Variants in RTEL1 observed in about 807,000 individuals in gnomAD.
RTEL1 encodes regulator of telomere length.
RTEL1 carries 86 observed loss-of-function variants against 162.2 expected under a neutral mutation model. That is an observed-to-expected ratio of 0.53 (90% CI 0.45 to 0.63). The LOEUF (loss-of-function observed/expected upper bound fraction) is 0.63. Among genes scored for constraint, RTEL1 ranks in the 30% least tolerant of loss-of-function variants. The probability of loss-of-function intolerance (pLI) is 0.00; values close to 1 mark genes in which losing one functional copy is unlikely to be tolerated. For missense variants in RTEL1, 1,941 were observed against 1,750.2 expected (o/e 1.11, Z -1.95); for synonymous variants, 958 against 717.9 (o/e 1.33, Z -5.35).
In RTEL1 at chr20:63,690,155, A is replaced by G. The variant is rs773705133; in HGVS notation, c.2210A>G (p.Asn737Ser). The G allele has an allele frequency of 8.7e-6, 14 of 1,612,432 alleles. No homozygotes were observed. Among genetic ancestry groups the G allele is most frequent in the South Asian group, 7.7e-5 (7 of 91,094 alleles). The change falls in exon 25 of 35, where the codon AAC (asparagine) becomes AGC (serine). Residue 737 changes from asparagine (N) to serine (S), a missense_variant. Asn to Ser is a conservative substitution (Grantham distance 46). Coordinates refer to ENST00000360203, the MANE Select transcript of RTEL1 (RefSeq NM_001283009.2). ...CGTCCCCACGTCAGGGTGTATGACA[A>G]CTTTGGCCATGTCATCCGAGACGTG... ...WVRPHVRVYD[N>S]FGHVIRDVAQ...
At chr20:63,674,276 A>G (rs1282158740) in intron 10 of RTEL1, among the ~76,000 whole-genome samples, 183 bp downstream of exon 10, 6 of 152,192 alleles carry the variant, frequency 3.9e-5, no homozygotes, top group Admixed American at 3.9e-4. Context: ...CCTGGGCACC[A>G]TCTATTCAGG....
In RTEL1 at chr20:63,688,266, TGCCCCTGCCTTGACCCCG is replaced by T; in HGVS notation, c.1637-26_1637-9del. On this transcript the variant is annotated splice_polypyrimidine_tract_variant and intron_variant, in intron 19 of 34. Coordinates refer to ENST00000360203, the MANE Select transcript of RTEL1 (RefSeq NM_001283009.2). Reference sequence around the variant, plus strand: ...CTGGTAGGGAACCCTGCAGACATCCTGCCCCTGCCTTGACCCCGGCCCCTGCACTTCCAGGCAACATCG... The same window carrying T: ...CTGGTAGGGAACCCTGCAGACATCCTGCCCCTGCACTTCCAGGCAACATCG... The T allele has an allele frequency of 6.2e-7, 1 of 1,609,868 alleles. No individual in the cohort carries two copies.
intron 28 of RTEL1, chr20:63,692,042 C>G (rs2090759455): frequency 1.8e-6 from 1 of 541,382 alleles, no homozygotes; most frequent in South Asian, 2.0e-5. Flanking sequence ...CAGCTGGAAT[C>G]AGGCCCCACC....
intron 28 of RTEL1, chr20:63,692,205 G>GGTTT (rs2090763888): frequency 4.3e-6 from 1 of 234,820 alleles, no homozygotes; most frequent in African/African-American, 2.3e-5. Context: ...GAAGCCCCCT[G>GGTTT]CCTGCTGGAA....
Position 63,667,021 on chromosome 20 carries a change from A to T in RTEL1, c.615-448A>T, listed in dbSNP as rs187013287. Among the ~76,000 whole-genome samples, 397 of 150,264 alleles carry T rather than the reference A, an allele frequency of 2.6e-3. 1 individual carries two copies. Among genetic ancestry groups the T allele is most frequent in the Non-Finnish European group, 3.4e-3 (230 of 67,716 alleles). ...CGTCTGGCTAATTTTCTGTATTTTT[A>T]GTAGAGACGGGGTTTCACCGTGTTA... On this transcript the variant is annotated intron_variant, in intron 7 of 34. Coordinates refer to ENST00000360203, the MANE Select transcript of RTEL1 (RefSeq NM_001283009.2).
intron 14 of RTEL1, among the ~76,000 whole-genome samples, chr20:63,684,493 A>G (rs1023898887): frequency 2.0e-5 from 3 of 152,174 alleles, no homozygotes; most frequent in Admixed American, 2.0e-4. Context: ...ACCTGGGATT[A>G]TAGGCACCTG....
chr20:63,676,956 T>G (rs984656883), intron 10 of RTEL1, among the ~76,000 whole-genome samples: 3 of 152,330 alleles, frequency 2.0e-5, no homozygotes, highest in East Asian at 3.9e-4. Flanking sequence ...GTCAATCAAG[T>G]GTCATCACTG....
In RTEL1 at chr20:63,689,812, G is replaced by A. The variant is rs2145429023; in HGVS notation, c.2088G>A (p.Gly696=). The A allele has an allele frequency of 6.2e-7, 1 of 1,612,064 alleles. No individual in the cohort carries two copies. Among genetic ancestry groups the A allele is most frequent in the Non-Finnish European group, 8.5e-7 (1 of 1,179,776 alleles). Residue 696 remains glycine, a synonymous_variant, in exon 24 of 35, where the codon GGG becomes GGA. Transcript: ENST00000360203. ...CCAGGGCTGTGAACCAGGCCATCGGGCGAGTGATCCGGCACCGCCAGGACT... is the reference window on the plus strand; with the variant it reads ...CCAGGGCTGTGAACCAGGCCATCGGACGAGTGATCCGGCACCGCCAGGACT... ...QASRAVNQAI[G]RVIRHRQDYG...
At chr20:63,694,067 C>T (rs575769761) in intron 30 of RTEL1, among the ~76,000 whole-genome samples, 4 of 152,180 alleles carry the variant, frequency 2.6e-5, no homozygotes, top group South Asian at 4.1e-4. Context: ...GGAACCTAGC[C>T]TGTTGGGACG....
chr20:63,659,926 G>A (rs2089985007), intron 2 of RTEL1, among the ~76,000 whole-genome samples: 1 of 152,182 alleles, frequency 6.6e-6, no homozygotes. Context: ...GGTGATAGTG[G>A]GGAGAAGGTC....
Position 63,668,107 on chromosome 20 carries a change from G to A in RTEL1, c.699+554G>A, listed in dbSNP as rs1601103909. ...TTCCGCCCCGTGTGCCCAGCCCCACGCTCACTCCCCCCGCCAGCATGTGCC... is the reference window on the plus strand; with the variant it reads ...TTCCGCCCCGTGTGCCCAGCCCCACACTCACTCCCCCCGCCAGCATGTGCC... On this transcript the variant is annotated intron_variant, in intron 8 of 34. Coordinates refer to ENST00000360203, the MANE Select transcript of RTEL1 (RefSeq NM_001283009.2). The surrounding 1 kb of genome is among the most constrained non-coding windows in gnomAD (Gnocchi z 4.3). Among the ~76,000 whole-genome samples the A allele has an allele frequency of 9.6e-6, 1 of 103,682 alleles. No individual in the cohort carries two copies. The highest frequency in any genetic ancestry group is 9.5e-5 in the Admixed American group (1 of 10,506). 68.0% of individuals were successfully genotyped at this position (103,682 alleles called of 152,430 possible).
chr20:63,676,520 G>A (rs957821355), intron 10 of RTEL1, among the ~76,000 whole-genome samples: 1 of 152,120 alleles, frequency 6.6e-6, no homozygotes, highest in South Asian at 2.1e-4. Context: ...AATCACTGGG[G>A]GCTTGCAAGA....
rs78904323 is a variant in RTEL1 at position 63,692,654 on chromosome 20, T to C, written c.2653-151T>C. On this transcript the variant is annotated intron_variant, in intron 28 of 34. Transcript: ENST00000360203. ...GCTTTCTTCCCGCAGCCCCTCCCTA[T>C]GTCCATCCAGCCAGCCAGTTTCTCA... The C allele has an allele frequency of 0.019, 13,346 of 720,562 alleles. 1,253 individuals carry two copies. In the African/African-American group the frequency reaches 0.2, roughly 11 times the overall value. The allele number at this position is 720,562 out of a possible 1,614,324, so 44.6% of individuals were successfully genotyped here. A position where few individuals can be genotyped will look rare whatever the true frequency, so the allele number is the denominator to read the frequency against.
Position 63,695,060 on chromosome 20 carries a change from C to G in RTEL1, c.3344-6C>G, listed in dbSNP as rs1455821579. ...CTGTGCCGGGTCTGATTGAAGCTCC[C>G]CGCAGGGTTCAGCATGTTTGTGCGT... On this transcript the variant is annotated splice_polypyrimidine_tract_variant and splice_region_variant and intron_variant, in intron 32 of 34. Coordinates refer to ENST00000360203, the MANE Select transcript of RTEL1 (RefSeq NM_001283009.2). The G allele has an allele frequency of 3.7e-6, 6 of 1,612,020 alleles. No homozygotes were observed. Among genetic ancestry groups the G allele is most frequent in the Non-Finnish European group, 4.2e-6 (5 of 1,179,614 alleles).
chr20:63,693,436 C>G (rs547809576), intron 30 of RTEL1, among the ~76,000 whole-genome samples, 153 bp downstream of exon 30: 9 of 146,136 alleles, frequency 6.2e-5, no homozygotes, highest in African/African-American at 2.1e-4. Context: ...ACCTCCACCA[C>G]CAGCACCAGC....
At position 63,662,840 on chromosome 20, in the gene RTEL1, C is replaced by T. The variant is rs142058793; in HGVS notation, c.489C>T (p.Cys163=). 6.4e-4 allele frequency: 1,031 copies of T among 1,613,806 alleles called. 1 individual carries two copies. Among genetic ancestry groups the T allele is most frequent in the Non-Finnish European group, 8.1e-4 (950 of 1,180,032 alleles). ...CCTTCCTCCCACAGATCCACTTGTG[C>T]CGTAAGAAGGTGGCAAGTCGCTCCT... ...QESNHLQIHL[C]RKKVASRSCH... The change falls in exon 6 of 35, where the codon TGC becomes TGT. Residue 163 remains cysteine, a synonymous_variant. Transcript: ENST00000360203.
At position 63,695,605 on chromosome 20, in the gene RTEL1, C is replaced by A; in HGVS notation, c.3777C>A (p.Ala1259=). The A allele has an allele frequency of 6.2e-7, 1 of 1,611,966 alleles. No individual in the cohort carries two copies. The highest frequency in any genetic ancestry group is 8.5e-7 in the Non-Finnish European group (1 of 1,179,910). Residue 1259 remains alanine, a synonymous_variant, in exon 34 of 35, where the codon GCC becomes GCA. Coordinates refer to ENST00000360203, the MANE Select transcript of RTEL1 (RefSeq NM_001283009.2). ...AEDVVPFQCP[A]CDFQRCQACW... ...ACGTGGTGCCCTTCCAGTGCCCTGC[C>A]TGTGACTTCCAGCGCTGCCAAGCCT...
At chr20:63,691,423 C>T (rs1188513051) in intron 27 of RTEL1, among the ~76,000 whole-genome samples, 1 of 152,172 alleles carries the variant, frequency 6.6e-6, no homozygotes, top group East Asian at 1.9e-4. Context: ...CCATCCCTGC[C>T]CTTCAGGCCC....
At position 63,662,868 on chromosome 20, in the gene RTEL1, C is replaced by G. The variant is rs765998406; in HGVS notation, c.517C>G (p.His173Asp). The G allele has an allele frequency of 6.2e-7, 1 of 1,614,038 alleles. No homozygotes were observed. The highest frequency in any genetic ancestry group is 1.1e-5 in the South Asian group (1 of 91,086). The change falls in exon 6 of 35, where the codon CAT becomes GAT. Residue 173 changes from histidine to aspartate, a missense_variant. Physicochemically the swap from His to Asp is moderately conservative, Grantham distance 81 (BLOSUM62 -1). Transcript: ENST00000360203. ...TAAGAAGGTGGCAAGTCGCTCCTGT[C>G]ATTTCTACAACAACGTAGAAGGTAC... Reference protein sequence around the residue: ...CRKKVASRSCHFYNNVEEKSL... With the variant: ...CRKKVASRSCDFYNNVEEKSL...
Sources: gnomAD v4.1 joint callset for allele counts (sites outside exome capture counted in the v4.1 genomes callset) on GRCh38, gnomAD v4.1.1 for gene constraint, Gnocchi (gnomAD v3.1) non-coding constraint, MANE v1.5 for transcripts, NCBI Gene and HGNC (gene_info 2026-07-23, HGNC 2026-07-21) for gene names.